CDH11: variants seen among roughly 807,000 people sequenced by gnomAD.
The protein encoded by CDH11 is cadherin-11.
A neutral mutation model predicts 67.8 loss-of-function variants in CDH11; 11 were observed. That is an observed-to-expected ratio of 0.16 (90% confidence interval 0.10 to 0.27). CDH11 has a LOEUF of 0.27. Among genes scored for constraint, CDH11 ranks in the 10% least tolerant of loss-of-function variants. CDH11 has a pLI of 1.00. For missense variants in CDH11, 847 were observed against 1,031.2 expected, an observed-to-expected ratio of 0.82 and a Z score of 2.45; for synonymous variants, 419 against 400.0, an observed-to-expected ratio of 1.05 and a Z score of -0.57.
At chr16:65,079,350 C>T (rs1011476504) in intron 1 of CDH11, among the ~76,000 whole-genome samples, 3 of 152,096 alleles carry the variant, frequency 2.0e-5, no homozygotes, top group Non-Finnish European at 4.4e-5. Flanking sequence ...TCATGGTTTG[C>T]TTTGCATTTT....
chr16:65,077,856 G>T (rs998737961), intron 1 of CDH11, among the ~76,000 whole-genome samples: 1 of 152,200 alleles, frequency 6.6e-6, no homozygotes, highest in Non-Finnish European at 1.5e-5. Context: ...CAAAGATAAA[G>T]AAGACTCTTC....
At chr16:64,955,527 C>T (rs141596856) in intron 11 of CDH11, among the ~76,000 whole-genome samples, 25 of 152,150 alleles carry the variant, frequency 1.6e-4, no homozygotes, top group Non-Finnish European at 3.4e-4. Flanking sequence ...TTGTTTAAAG[C>T]CAGGAGTTCT....
At chr16:65,002,711 A>C (rs923170459) in intron 3 of CDH11, among the ~76,000 whole-genome samples, 7 of 152,294 alleles carry the variant, frequency 4.6e-5, no homozygotes, top group African/African-American at 1.7e-4. Context: ...AACAATTAAG[A>C]TAACTTCGTA....
At chr16:64,996,253 G>A (rs1395369943) in intron 4 of CDH11, among the ~76,000 whole-genome samples, 1 of 152,134 alleles carries the variant, frequency 6.6e-6, no homozygotes, top group Non-Finnish European at 1.5e-5. Context: ...ACTTTGGGAG[G>A]ACGAGGTGAG....
At chr16:65,083,235 G>A (rs1554400) in intron 1 of CDH11, among the ~76,000 whole-genome samples, 46,497 of 152,104 alleles carry the variant, frequency 0.31, 8,338 homozygotes, top group South Asian at 0.57. Flanking sequence ...TGCAAAGCCT[G>A]CACTCTTCCC....
At chr16:65,093,300 G>A (rs1340328340) in intron 1 of CDH11, among the ~76,000 whole-genome samples, 1 of 147,892 alleles carries the variant, frequency 6.8e-6, no homozygotes, top group Non-Finnish European at 1.5e-5. Flanking sequence ...CACTATTTCT[G>A]AGACCCAAAG....
At chr16:65,066,758 C>T (rs1216804110) in intron 1 of CDH11, among the ~76,000 whole-genome samples, 1 of 152,216 alleles carries the variant, frequency 6.6e-6, no homozygotes, top group Non-Finnish European at 1.5e-5. Context: ...TGTCTGCCTG[C>T]TCCTCCAGTC....
Position 65,004,951 on chromosome 16 carries a change from C to T in CDH11, c.-82G>A. On this transcript the variant is annotated 5_prime_UTR_variant, in exon 3 of 13. Coordinates refer to ENST00000268603, the MANE Select transcript of CDH11 (RefSeq NM_001797.4). ...ACGGTGGTCTTGCTGAGGGTGGCCT[C>T]CCGGACGCGTCACGCAGACCTCTCT... 1 of 1,439,914 alleles carries T rather than the reference C, an allele frequency of 6.9e-7. No homozygotes were observed. The highest frequency in any genetic ancestry group is 9.2e-7 in the Non-Finnish European group (1 of 1,092,062). The allele number at this position is 1,439,914 out of a possible 1,614,324, so 89.2% of individuals were successfully genotyped here. A position where few individuals can be genotyped will look rare whatever the true frequency, so the allele number is the denominator to read the frequency against.
chr16:65,025,071 T>C (rs2073504279), intron 2 of CDH11, among the ~76,000 whole-genome samples: 1 of 152,158 alleles, frequency 6.6e-6, no homozygotes, highest in Non-Finnish European at 1.5e-5. Context: ...GCTCATAATC[T>C]CATGGTACAG....
In CDH11 at chr16:64,971,631, G is replaced by C; in HGVS notation, c.1590C>G (p.Ser530Arg). 6.2e-7 allele frequency: 1 copy of C among 1,613,720 alleles called. No individual in the cohort carries two copies. The highest frequency in any genetic ancestry group is 8.5e-7 in the Non-Finnish European group (1 of 1,179,788). ...DTANGPRFIFSLPPEIIHNPN... is the reference protein window; with the variant it reads ...DTANGPRFIFRLPPEIIHNPN... ...GATTGTGAATGATTTCAGGGGGTAG[G>C]CTGAAGATAAATCTTGGTCCATTGG... Residue 530 changes from serine to arginine, a missense_variant, in exon 11 of 13, where the codon AGC becomes AGG. Physicochemically the swap from Ser to Arg is moderately radical, Grantham distance 110 (BLOSUM62 -1). Coordinates refer to ENST00000268603, the MANE Select transcript of CDH11 (RefSeq NM_001797.4).
At chr16:65,003,081 T>C (rs1315637790) in intron 3 of CDH11, among the ~76,000 whole-genome samples, 1 of 139,274 alleles carries the variant, frequency 7.2e-6, no homozygotes, top group Non-Finnish European at 1.6e-5. Flanking sequence ...AGGATCTATC[T>C]TTGTTTTTTT....
At chr16:65,016,678 C>T (rs1313442148) in intron 2 of CDH11, among the ~76,000 whole-genome samples, 1 of 152,108 alleles carries the variant, frequency 6.6e-6, no homozygotes, top group African/African-American at 2.4e-5. Context: ...CCTGGGAGGC[C>T]ACATGGGTTC....
rs1209333963 is a variant in CDH11 at position 64,944,906 on chromosome 16, T to C, written c.*2697A>G. On this transcript the variant is annotated 3_prime_UTR_variant, in exon 13 of 13. Transcript: ENST00000268603. ...GGAGGGCAAATAGGTAAATAGGTGA[T>C]TATAAGACAACAAGGTGGATACTTT... is the stretch of plus-strand genomic sequence containing the variant. 4.6e-6 allele frequency: 1 copy of C among 218,774 alleles called. No homozygotes were observed. Among genetic ancestry groups the C allele is most frequent in the African/African-American group, 2.2e-5 (1 of 44,580 alleles). The allele number at this position is 218,774 out of a possible 1,614,324, so 13.6% of individuals were successfully genotyped here. A position where few individuals can be genotyped will look rare whatever the true frequency, so the allele number is the denominator to read the frequency against.
Position 64,945,385 on chromosome 16 carries a change from A to G in CDH11, c.*2218T>C. ...CAGCCTTTTTAAAAAAGACTTCAAC[A>G]TAAAAATGCGAAAATGTAGTTGTCA... On this transcript the variant is annotated 3_prime_UTR_variant, in exon 13 of 13. Coordinates refer to ENST00000268603, the MANE Select transcript of CDH11 (RefSeq NM_001797.4). 1 of 1,031,038 alleles carries G rather than the reference A, an allele frequency of 9.7e-7. No individual in the cohort carries two copies. Among genetic ancestry groups the G allele is most frequent in the Non-Finnish European group, 1.2e-6 (1 of 855,124 alleles). The allele number at this position is 1,031,038 out of a possible 1,614,324, so 63.9% of individuals were successfully genotyped here.
intron 2 of CDH11, among the ~76,000 whole-genome samples, chr16:65,048,532 CGT>C (rs144059846): frequency 1.3e-5 from 2 of 150,402 alleles, no homozygotes; most frequent in Admixed American, 6.6e-5. Flanking sequence ...GAAAATGTGG[CGT>C]GTGTGTGTGT....
At chr16:64,963,141 T>C (rs1178320491) in intron 11 of CDH11, among the ~76,000 whole-genome samples, 1 of 152,210 alleles carries the variant, frequency 6.6e-6, no homozygotes, top group African/African-American at 2.4e-5. Flanking sequence ...ACAGAGATGT[T>C]GGAATTATCC....
intron 1 of CDH11, among the ~76,000 whole-genome samples, chr16:65,082,954 C>CACA (rs2074636105): frequency 6.6e-6 from 1 of 152,116 alleles, no homozygotes; most frequent in African/African-American, 2.4e-5. Context: ...CGAGAAGGCA[C>CACA]ACAAGGGTTT....
intron 1 of CDH11, among the ~76,000 whole-genome samples, chr16:65,071,757 A>T (rs2074421007): frequency 2.0e-5 from 3 of 152,216 alleles, no homozygotes; most frequent in Admixed American, 2.0e-4. Context: ...TGGCAGCAGC[A>T]ACCAGGCTGG....
chr16:64,945,245 T>G lies in CDH11; in HGVS notation c.*2358A>C, dbSNP rs944385978. The G allele has an allele frequency of 7.0e-6, 2 of 287,358 alleles. No homozygotes were observed. Among genetic ancestry groups the G allele is most frequent in the Admixed American group, 1.2e-4 (2 of 16,676 alleles). The allele number at this position is 287,358 out of a possible 1,614,324, so 17.8% of individuals were successfully genotyped here. A position where few individuals can be genotyped will look rare whatever the true frequency, so the allele number is the denominator to read the frequency against. ...CACTAGTTGGGAAAGACATTTTATT[T>G]CCAAGTTTCTAAGAGTGTTCTACAA... On this transcript the variant is annotated 3_prime_UTR_variant, in exon 13 of 13. Transcript: ENST00000268603.
Sources: allele counts gnomAD v4.1 joint callset (sites outside exome capture counted in the v4.1 genomes callset), GRCh38; gene constraint gnomAD v4.1.1; transcripts MANE v1.5; gene names NCBI Gene and HGNC (gene_info 2026-07-23, HGNC 2026-07-21).